VPS54: variants seen among roughly 807,000 people sequenced by gnomAD.
The protein encoded by VPS54 is vacuolar protein sorting-associated protein 54.
VPS54 carries 45 observed loss-of-function variants against 121.5 expected under a neutral mutation model. That is an observed-to-expected ratio of 0.37 (90% confidence interval 0.29 to 0.47). The LOEUF is 0.47. Ranked by LOEUF, VPS54 falls within the 20% of genes least tolerant of loss-of-function variation. The pLI, the probability that VPS54 is intolerant of heterozygous loss-of-function variation, is 0.99. For synonymous variants in VPS54, 371 were observed against 385.8 expected (o/e 0.96, Z 0.45); for missense variants, 1,090 against 1,131.4 (o/e 0.96, Z 0.52).
intron 3 of VPS54, among the ~76,000 whole-genome samples, chr2:63,979,599 C>T (rs1256259070): frequency 1.3e-5 from 2 of 152,126 alleles, no homozygotes; most frequent in African/African-American, 2.4e-5. Flanking sequence ...ATTCTTCTTT[C>T]AATAATATAT....
At chr2:63,946,106 C>T (rs1043189824) in intron 9 of VPS54, among the ~76,000 whole-genome samples, 1 of 152,036 alleles carries the variant, frequency 6.6e-6, no homozygotes, top group African/African-American at 2.4e-5. Flanking sequence ...AATAATTTTG[C>T]CTGCATTTGA....
intron 1 of VPS54, among the ~76,000 whole-genome samples, chr2:64,004,824 G>C (rs1678049247): frequency 6.6e-6 from 1 of 152,072 alleles, no homozygotes; most frequent in African/African-American, 2.4e-5. Context: ...TGTCACCCAG[G>C]CTGGAGTGCA....
At chr2:64,002,195 A>G (rs1017197610) in intron 1 of VPS54, among the ~76,000 whole-genome samples, 1 of 152,224 alleles carries the variant, frequency 6.6e-6, no homozygotes, top group Admixed American at 6.5e-5. Context: ...TCTCCACACC[A>G]CATAGTCGCT....
chr2:63,978,664 G>C (rs1676658945), intron 3 of VPS54, among the ~76,000 whole-genome samples: 1 of 152,050 alleles, frequency 6.6e-6, no homozygotes. Flanking sequence ...CTGTCACCCA[G>C]GCTGGAGTGG....
intron 7 of VPS54, among the ~76,000 whole-genome samples, chr2:63,957,012 C>G (rs1238382997): frequency 6.6e-6 from 1 of 152,088 alleles, no homozygotes; most frequent in Non-Finnish European, 1.5e-5. Flanking sequence ...ACTACATCTG[C>G]TTAAGCATTT....
At chr2:63,947,718 T>C (rs146676553) in intron 8 of VPS54, among the ~76,000 whole-genome samples, 183 of 152,306 alleles carry the variant, frequency 1.2e-3, no homozygotes, top group African/African-American at 4.2e-3. Flanking sequence ...CCAATGAAGC[T>C]GGTTTTCGGG....
chr2:64,001,089 G>A (rs1487743335), intron 1 of VPS54, among the ~76,000 whole-genome samples: 1 of 152,184 alleles, frequency 6.6e-6, no homozygotes, highest in Non-Finnish European at 1.5e-5. Flanking sequence ...CTCAAATCAT[G>A]AGACACGGTC....
intron 12 of VPS54, among the ~76,000 whole-genome samples, chr2:63,927,884 G>A (rs780259820): frequency 4.6e-5 from 7 of 152,132 alleles, no homozygotes; most frequent in East Asian, 1.9e-4. Context: ...TTCAATAGCC[G>A]ATTCAATCAA....
intron 1 of VPS54, among the ~76,000 whole-genome samples, chr2:63,996,273 G>C (rs1360327175): frequency 6.6e-6 from 1 of 152,166 alleles, no homozygotes; most frequent in Non-Finnish European, 1.5e-5. Context: ...CTTTACTGCA[G>C]TCTCTGAACA....
chr2:63,897,032 A>T (rs935501482), intron 22 of VPS54, among the ~76,000 whole-genome samples: 7 of 152,222 alleles, frequency 4.6e-5, no homozygotes, highest in Admixed American at 2.6e-4. Flanking sequence ...GCTATTTTAC[A>T]GTAATATATA....
intron 8 of VPS54, among the ~76,000 whole-genome samples, chr2:63,948,172 C>G (rs1197429757): frequency 6.6e-6 from 1 of 152,060 alleles, no homozygotes; most frequent in Non-Finnish European, 1.5e-5. Context: ...AAATAATGAC[C>G]TAGACTCTCA....
intron 7 of VPS54, among the ~76,000 whole-genome samples, chr2:63,958,897 G>A (rs1393271001): frequency 3.3e-5 from 5 of 151,988 alleles, no homozygotes; most frequent in African/African-American, 9.7e-5. Flanking sequence ...TATGGCCCAC[G>A]AAATGACTAA....
At chr2:63,963,127 A>G (rs1161607670) in intron 6 of VPS54, among the ~76,000 whole-genome samples, 2 of 152,104 alleles carry the variant, frequency 1.3e-5, no homozygotes, top group Non-Finnish European at 2.9e-5. Context: ...AGGTACTAAA[A>G]TTCATTTGGA....
At position 63,893,589 on chromosome 2, in the gene VPS54, A is replaced by AT; in HGVS notation, c.2829-55dup. The AT allele has an allele frequency of 2.7e-6, 4 of 1,505,442 alleles. No homozygotes were observed. In the South Asian group the frequency reaches 4.7e-5, roughly 18 times the overall value. 93.3% of individuals were successfully genotyped at this position (1,505,442 alleles called of 1,614,324 possible). On this transcript the variant is annotated intron_variant, in intron 22 of 22. Coordinates refer to ENST00000272322, the MANE Select transcript of VPS54 (RefSeq NM_016516.3). ...AAATCTCAAACTTTCTATTCAGATA[A>AT]TTAAAGTAACAGTGCTCACCGAGTC...
chr2:63,924,119 G>C (rs986502491), intron 12 of VPS54, among the ~76,000 whole-genome samples: 2 of 152,220 alleles, frequency 1.3e-5, no homozygotes, highest in Non-Finnish European at 2.9e-5. Context: ...CACAATGGAG[G>C]TAGGAGGGGA....
intron 7 of VPS54, among the ~76,000 whole-genome samples, chr2:63,959,944 C>T (rs917663993): frequency 1.3e-5 from 2 of 151,964 alleles, no homozygotes; most frequent in Non-Finnish European, 2.9e-5. Context: ...CGCTTGAACC[C>T]GGGAGGAGGA....
intron 15 of VPS54, among the ~76,000 whole-genome samples, chr2:63,918,708 CTT>C (rs1469465422): frequency 6.6e-6 from 1 of 151,994 alleles, no homozygotes; most frequent in Non-Finnish European, 1.5e-5. Context: ...AAGTAGTAGC[CTT>C]TCTCTTAAAC....
At chr2:63,978,317 T>C (rs560956715) in intron 3 of VPS54, among the ~76,000 whole-genome samples, 30 of 152,316 alleles carry the variant, frequency 2.0e-4, no homozygotes, top group African/African-American at 7.0e-4. Flanking sequence ...AGTTACTCCA[T>C]GAAGGCTGGC....
At chr2:63,901,486 G>A (rs113620523) in intron 20 of VPS54, among the ~76,000 whole-genome samples, 34 of 152,250 alleles carry the variant, frequency 2.2e-4, no homozygotes, top group African/African-American at 6.0e-4. Context: ...TTTACTTCAC[G>A]GCCTCCAGGA....
Sources: allele counts gnomAD v4.1 joint callset (sites outside exome capture counted in the v4.1 genomes callset), GRCh38; gene constraint gnomAD v4.1.1; transcripts MANE v1.5; gene names NCBI Gene and HGNC (gene_info 2026-07-23, HGNC 2026-07-21).